Variants in MADD observed in about 807,000 individuals in gnomAD.
MADD encodes the protein MAP kinase-activating death domain protein.
A neutral mutation model predicts 176.7 loss-of-function variants in MADD; 109 were observed. The ratio of observed to expected loss-of-function variants is 0.62; its 90% CI spans 0.53 to 0.72. MADD has a LOEUF of 0.72. Ranked by LOEUF, MADD falls within the 30% of genes least tolerant of loss-of-function variation. The pLI is 0.00. For synonymous variants in MADD, 771 were observed against 771.3 expected (o/e 1.00, Z 0.01); for missense variants, 1,914 against 2,045.5 (o/e 0.94, Z 1.24).
At chr11:47,322,180 T>C (rs973700979) in intron 27 of MADD, among the ~76,000 whole-genome samples, 3 of 152,190 alleles carry the variant, frequency 2.0e-5, no homozygotes, top group African/African-American at 4.8e-5. Flanking sequence ...TGTGAGGAAT[T>C]GTGGACACAG....
chr11:47,275,753 G>A (rs553307106), intron 3 of MADD, 146 bp from the exon 4 acceptor site: 8 of 739,156 alleles, frequency 1.1e-5, no homozygotes, highest in South Asian at 9.3e-5. Context: ...TATACTTTCC[G>A]GTCCTATCTG....
intron 27 of MADD, among the ~76,000 whole-genome samples, chr11:47,322,056 GGTACTTTCT>G (rs2094548526): frequency 6.6e-6 from 1 of 151,900 alleles, no homozygotes; most frequent in South Asian, 2.1e-4. Context: ...AGCTAATTAG[GGTACTTTCT>G]GTGTGCCTGG....
intron 27 of MADD, among the ~76,000 whole-genome samples, chr11:47,316,501 G>C (rs2093043914): frequency 6.8e-6 from 1 of 147,604 alleles, no homozygotes. Flanking sequence ...CGATTCTCCT[G>C]CCTCAGGCTC....
chr11:47,316,668 C>T (rs1240016653), intron 27 of MADD, among the ~76,000 whole-genome samples: 4 of 152,002 alleles, frequency 2.6e-5, no homozygotes, highest in Non-Finnish European at 5.9e-5. Flanking sequence ...AGATCATAGG[C>T]GTGAGCCGGT....
intron 7 of MADD, among the ~76,000 whole-genome samples, chr11:47,280,466 C>T (rs1398194820): frequency 2.0e-5 from 3 of 151,752 alleles, no homozygotes; most frequent in Non-Finnish European, 4.4e-5. Context: ...CTCTAGCTGC[C>T]TTCACTTGCT....
At chr11:47,292,783 G>A (rs1324068687) in intron 19 of MADD, among the ~76,000 whole-genome samples, 187 bp downstream of exon 21, 2 of 151,996 alleles carry the variant, frequency 1.3e-5, no homozygotes, top group Non-Finnish European at 2.9e-5. Flanking sequence ...CCCTCCCCTC[G>A]TGTCAATCAG....
chr11:47,316,046 G>T (rs940861660), intron 27 of MADD, among the ~76,000 whole-genome samples: 7 of 152,026 alleles, frequency 4.6e-5, no homozygotes, highest in African/African-American at 1.7e-4. Context: ...TCGTTGGCCA[G>T]GCTGGTCTTG....
At chr11:47,301,008 G>A (rs1357183198) in intron 22 of MADD, among the ~76,000 whole-genome samples, 9 of 147,974 alleles carry the variant, frequency 6.1e-5, no homozygotes, top group Non-Finnish European at 8.9e-5. Flanking sequence ...TTTCTTGGTG[G>A]AGGTCTTTTC....
At chr11:47,295,498 G>T in exon 21 of MADD, 2 of 1,612,956 alleles carry the variant, frequency 1.2e-6, no homozygotes, top group Non-Finnish European at 1.7e-6. Context: ...TGTTTCAGAG[G>T]ACTGATCAAG....
chr11:47,278,383 G>A (rs974935564), intron 6 of MADD, 105 bp downstream of exon 6: 3 of 832,060 alleles, frequency 3.6e-6, no homozygotes, highest in Admixed American at 4.1e-5. Context: ...GTCCTAAGTT[G>A]TTGGATAATT....
intron 27 of MADD, among the ~76,000 whole-genome samples, chr11:47,319,420 A>AC (rs2093948092): frequency 1.3e-5 from 2 of 152,138 alleles, no homozygotes; most frequent in African/African-American, 2.4e-5. Flanking sequence ...GGTGTGAGCC[A>AC]CCATACCCAG....
intron 8 of MADD, 113 bp from the exon 9 acceptor site, chr11:47,282,268 C>T (rs1362455433): frequency 3.5e-5 from 26 of 744,038 alleles, no homozygotes; most frequent in Admixed American, 1.1e-4. Flanking sequence ...GATATCTCTC[C>T]CCTTGATGTT....
exon 20 of MADD, chr11:47,293,938 C>T: frequency 6.2e-7 from 1 of 1,614,152 alleles, no homozygotes; most frequent in Non-Finnish European, 8.5e-7. Flanking sequence ...AGAAAAAGTC[C>T]CAGATCAGCG....
intron 2 of MADD, among the ~76,000 whole-genome samples, 155 bp from the exon 3 acceptor site, chr11:47,274,408 C>G (rs1364158713): frequency 6.6e-6 from 1 of 152,206 alleles, no homozygotes; most frequent in Non-Finnish European, 1.5e-5. Context: ...AGGTTACCAG[C>G]TCCATGCGGC....
intron 20 of MADD, among the ~76,000 whole-genome samples, chr11:47,294,832 A>G (rs1359322726): frequency 1.3e-5 from 2 of 152,122 alleles, no homozygotes; most frequent in Non-Finnish European, 2.9e-5. Flanking sequence ...CTGTTTAACA[A>G]AGCTACCTAT....
chr11:47,294,148 G>A (rs1360033524), intron 20 of MADD, among the ~76,000 whole-genome samples, 165 bp downstream of exon 22: 2 of 151,854 alleles, frequency 1.3e-5, no homozygotes, highest in Non-Finnish European at 2.9e-5. Flanking sequence ...TCGGGAGTTC[G>A]AGACCAGCCT....
At chr11:47,299,464 C>G (rs2075820985) in intron 22 of MADD, among the ~76,000 whole-genome samples, 1 of 148,490 alleles carries the variant, frequency 6.7e-6, no homozygotes, top group Non-Finnish European at 1.5e-5. Flanking sequence ...TTCTTGATTT[C>G]TTTTTCTGCT....
At chr11:47,279,811 G>A (rs1382785669) in intron 7 of MADD, among the ~76,000 whole-genome samples, 1 of 152,028 alleles carries the variant, frequency 6.6e-6, no homozygotes, top group South Asian at 2.1e-4. Context: ...GGTGCCTCAT[G>A]CCTGTAATCC....
chr11:47,317,776 T>TC (rs949331821), intron 27 of MADD, among the ~76,000 whole-genome samples: 1 of 104,320 alleles, frequency 9.6e-6, no homozygotes, highest in African/African-American at 2.7e-5. Context: ...GTATATAACT[T>TC]TTTTTTTTTT....
Sources: allele counts gnomAD v4.1 joint callset (sites outside exome capture counted in the v4.1 genomes callset), GRCh38; gene constraint gnomAD v4.1.1; transcripts MANE v1.5; gene names NCBI Gene and HGNC (gene_info 2026-07-23, HGNC 2026-07-21).